The following NTRK3 variants were observed in gnomAD, a reference collection of about 807,000 sequenced individuals.
NTRK3 encodes the protein neurotrophic receptor tyrosine kinase 3.
Under a neutral mutation model 91.7 loss-of-function variants are expected in NTRK3, and 24 were observed. That is an observed-to-expected ratio of 0.26 (90% CI 0.19 to 0.37). NTRK3 has a LOEUF of 0.37. Ranked by LOEUF, NTRK3 falls within the 10% of genes least tolerant of loss-of-function variation. The pLI is 1.00. For synonymous variants in NTRK3, 483 were observed against 404.0 expected (o/e 1.20, Z -2.34); for missense variants, 880 against 1,068.9 (o/e 0.82, Z 2.46).
chr15:88,056,198 ATATAT>A (rs1443272676), intron 13 of NTRK3, among the ~76,000 whole-genome samples: 55 of 96,830 alleles, frequency 5.7e-4, no homozygotes, highest in African/African-American at 2.0e-3. Context: ...ATATATATAT[ATATAT>A]TTTTTTTTTA....
At chr15:88,021,925 G>T (rs1453580831) in intron 14 of NTRK3, among the ~76,000 whole-genome samples, 1 of 152,068 alleles carries the variant, frequency 6.6e-6, no homozygotes, top group African/African-American at 2.4e-5. Context: ...GCTTGTAGGT[G>T]GGAGAAGGAG....
chr15:87,927,058 G>A (rs961874601), intron 17 of NTRK3: 2 of 152,230 alleles, frequency 1.3e-5, no homozygotes, highest in African/African-American at 4.8e-5. Context: ...AGACACTAAA[G>A]AAAGACTCCT....
chr15:88,087,732 C>A (rs1036889712), intron 13 of NTRK3, among the ~76,000 whole-genome samples: 1 of 152,322 alleles, frequency 6.6e-6, no homozygotes, highest in South Asian at 2.1e-4. Flanking sequence ...TATGCAACGT[C>A]ACAACCTCAA....
chr15:88,000,583 A>G (rs2076032721), intron 14 of NTRK3, among the ~76,000 whole-genome samples: 1 of 152,248 alleles, frequency 6.6e-6, no homozygotes, highest in African/African-American at 2.4e-5. Flanking sequence ...CTTATTCTGG[A>G]CAAATCATAG....
At chr15:88,057,168 CAAAAAAA>C (rs547432747) in intron 13 of NTRK3, among the ~76,000 whole-genome samples, 11 of 59,178 alleles carry the variant, frequency 1.9e-4, no homozygotes, top group African/African-American at 7.2e-4. Context: ...AACTCCGTCT[CAAAAAAA>C]AAAAAAAAGA....
intron 6 of NTRK3, among the ~76,000 whole-genome samples, chr15:88,142,532 C>A (rs535990929): frequency 2.4e-4 from 37 of 152,350 alleles, no homozygotes; most frequent in Admixed American, 4.6e-4. Flanking sequence ...TTCTTCCCTG[C>A]ACAGCATCAA....
At chr15:87,922,625 G>T (rs1053006331) in intron 17 of NTRK3, among the ~76,000 whole-genome samples, 3 of 152,178 alleles carry the variant, frequency 2.0e-5, no homozygotes, top group African/African-American at 7.2e-5. Flanking sequence ...AAGTCTTAGA[G>T]TTTCTGAAGC....
intron 17 of NTRK3, chr15:87,916,567 T>A: frequency 1.4e-6 from 1 of 702,262 alleles, no homozygotes; most frequent in South Asian, 1.5e-5. Context: ...CAACCTTCAA[T>A]GAGAGAAGAA....
chr15:88,033,478 T>C (rs938096711), intron 13 of NTRK3, among the ~76,000 whole-genome samples: 2 of 151,576 alleles, frequency 1.3e-5, no homozygotes, highest in African/African-American at 4.9e-5. Flanking sequence ...GCCTGGCTAA[T>C]TTTTGTATTT....
intron 13 of NTRK3, among the ~76,000 whole-genome samples, chr15:88,041,826 A>T (rs78627860): frequency 2.0e-5 from 2 of 97,928 alleles, no homozygotes; most frequent in Admixed American, 8.9e-5. Context: ...GTCCCTCATA[A>T]AAAAAAAAAA....
intron 14 of NTRK3, among the ~76,000 whole-genome samples, chr15:88,027,494 T>C (rs1184126552): frequency 6.6e-6 from 1 of 152,208 alleles, no homozygotes; most frequent in Non-Finnish European, 1.5e-5. Context: ...GACATTCTCC[T>C]GCCTCAGCCT....
At chr15:88,179,888 A>C (rs375127741) in intron 5 of NTRK3, among the ~76,000 whole-genome samples, 2 of 152,360 alleles carry the variant, frequency 1.3e-5, no homozygotes, top group South Asian at 2.1e-4. Context: ...ATCAGTGTAC[A>C]ATGAAGAAAG....
intron 3 of NTRK3, among the ~76,000 whole-genome samples, chr15:88,253,863 C>T (rs145120082): frequency 4.3e-4 from 65 of 152,312 alleles, no homozygotes; most frequent in Middle Eastern, 3.4e-3. Flanking sequence ...CCAGTCCCCT[C>T]CCATCACAGA....
intron 5 of NTRK3, among the ~76,000 whole-genome samples, chr15:88,165,962 T>C (rs1052081931): frequency 6.6e-6 from 1 of 152,166 alleles, no homozygotes; most frequent in African/African-American, 2.4e-5. Flanking sequence ...CTTCTAAGAA[T>C]GAAAAAATCA....
chr15:87,979,116 C>G, intron 14 of NTRK3: 1 of 601,014 alleles, frequency 1.7e-6, no homozygotes, highest in East Asian at 2.8e-5. Context: ...CCTCGTAGGC[C>G]GGGAAAAAAG....
chr15:88,012,267 TTGG>T (rs1389423438), intron 14 of NTRK3, among the ~76,000 whole-genome samples: 1 of 152,062 alleles, frequency 6.6e-6, no homozygotes, highest in Non-Finnish European at 1.5e-5. Flanking sequence ...GTGCTAGGAG[TTGG>T]TGGTTTTGAC....
In NTRK3 at chr15:87,966,335, C is replaced by T. The variant is rs183628427; in HGVS notation, c.1586-25582G>A. The stretch of plus-strand genomic sequence containing the variant: ...AGGCATGTCTTATCCTCCTGCCCTG[C>T]GAAATTGATCTTCAGGATGACCTGA... On this transcript the variant is annotated intron_variant, in intron 14 of 18. Transcript: ENST00000394480. 1.2e-4 allele frequency among the ~76,000 whole-genome samples: 19 copies of T among 152,268 alleles called. No individual in the cohort carries two copies. The East Asian group carries it at 1.5e-3, about 12-fold the overall frequency.
At chr15:87,904,703 T>C (rs1040286654) in intron 17 of NTRK3, among the ~76,000 whole-genome samples, 1 of 152,148 alleles carries the variant, frequency 6.6e-6, no homozygotes, top group South Asian at 2.1e-4. Flanking sequence ...TATGTGTGAG[T>C]GGCAGGGCGG....
chr15:87,895,032 C>T (rs2066043001), intron 17 of NTRK3, among the ~76,000 whole-genome samples: 2 of 152,294 alleles, frequency 1.3e-5, no homozygotes, highest in East Asian at 3.9e-4. Context: ...TACCCTGTAA[C>T]TGTACCTTGT....
Sources: gnomAD v4.1 joint callset for allele counts (sites outside exome capture counted in the v4.1 genomes callset) on GRCh38, gnomAD v4.1.1 for gene constraint, MANE v1.5 for transcripts, NCBI Gene and HGNC (gene_info 2026-07-23, HGNC 2026-07-21) for gene names.